The following NDST4 variants were observed in gnomAD, a reference collection of about 807,000 sequenced individuals.
The protein encoded by NDST4 is N-deacetylase and N-sulfotransferase 4.
NDST4 carries 63 observed loss-of-function variants against 100.8 expected under a neutral mutation model. That is an observed-to-expected ratio of 0.62 (90% CI 0.51 to 0.77). The LOEUF is 0.77. NDST4 is among the 30% of genes least tolerant of loss of function. NDST4 has a pLI of 0.00. For synonymous variants in NDST4, 377 were observed against 361.8 expected, an observed-to-expected ratio of 1.04 and a Z score of -0.48; for missense variants, 943 against 1,018.4, an observed-to-expected ratio of 0.93 and a Z score of 1.01.
chr4:114,959,345 C>A (rs1247744286), intron 4 of NDST4, among the ~76,000 whole-genome samples: 1 of 151,314 alleles, frequency 6.6e-6, no homozygotes. Context: ...TGTATTAGCT[C>A]ATTTTCATAC....
intron 2 of NDST4, among the ~76,000 whole-genome samples, chr4:114,987,020 G>A (rs1726929804): frequency 6.6e-6 from 1 of 151,524 alleles, no homozygotes; most frequent in South Asian, 2.1e-4. Context: ...TAAAGGCAAA[G>A]TATTTAAATA....
chr4:115,111,004 G>A (rs1729941759), intron 1 of NDST4, among the ~76,000 whole-genome samples: 1 of 151,840 alleles, frequency 6.6e-6, no homozygotes, highest in South Asian at 2.1e-4. Context: ...TCTAAATCTG[G>A]GAAGGCAGCA....
chr4:115,066,787 T>C (rs766967310), intron 2 of NDST4, among the ~76,000 whole-genome samples: 1 of 151,862 alleles, frequency 6.6e-6, no homozygotes, highest in Non-Finnish European at 1.5e-5. Context: ...ATCTAGGGAG[T>C]TCTATAACAG....
At chr4:114,884,009 C>G (rs539105511) in intron 6 of NDST4, among the ~76,000 whole-genome samples, 1 of 152,206 alleles carries the variant, frequency 6.6e-6, no homozygotes, top group East Asian at 1.9e-4. Flanking sequence ...AATAAAGACT[C>G]ATATGAAATA....
chr4:114,981,114 C>T (rs1468747309), intron 2 of NDST4, among the ~76,000 whole-genome samples: 1 of 151,884 alleles, frequency 6.6e-6, no homozygotes, highest in African/African-American at 2.4e-5. Context: ...CAACTACTTC[C>T]AGGGTGGGAG....
chr4:115,076,771 G>T lies in NDST4; in HGVS notation c.266C>A (p.Ser89Tyr). Reference protein sequence around the residue: ...TVLLFVESQYSQLGQDIIAIL... With the variant: ...TVLLFVESQYYQLGQDIIAIL... ...AGCTATGATATCTTGACCGAGTTGA[G>T]AGTATTGGCTCTCCACGAAGAGAAG... The change falls in exon 2 of 14, where the codon TCT becomes TAT. Residue 89 changes from serine (S) to tyrosine (Y), a missense_variant. Physicochemically the swap from Ser to Tyr is moderately radical, Grantham distance 144. This residue lies in a region of NDST4 where 417 missense variants were observed against 384.2 expected (regional missense o/e 1.09). Coordinates refer to ENST00000264363, the MANE Select transcript of NDST4 (RefSeq NM_022569.3). 6.2e-7 allele frequency: 1 copy of T among 1,613,974 alleles called. No homozygotes were observed. Among genetic ancestry groups the T allele is most frequent in the Non-Finnish European group, 8.5e-7 (1 of 1,179,938 alleles).
At chr4:114,986,450 C>T (rs749050930) in intron 2 of NDST4, among the ~76,000 whole-genome samples, 15 of 152,140 alleles carry the variant, frequency 9.9e-5, no homozygotes, top group Middle Eastern at 3.4e-3. Context: ...GTGTGTAAGA[C>T]GAGCTTCTGC....
intron 6 of NDST4, among the ~76,000 whole-genome samples, chr4:114,889,237 C>A (rs1724542246): frequency 6.6e-6 from 1 of 152,162 alleles, no homozygotes; most frequent in Non-Finnish European, 1.5e-5. Flanking sequence ...CAGGGATATT[C>A]TTTCAGACTG....
intron 2 of NDST4, among the ~76,000 whole-genome samples, chr4:114,987,235 G>A (rs777791127): frequency 2.2e-4 from 33 of 152,066 alleles, no homozygotes; most frequent in Non-Finnish European, 4.3e-4. Context: ...GTCAGAGTGG[G>A]AGACAAGGAG....
In NDST4 at chr4:115,050,985, T is replaced by C. The variant is rs368060062; in HGVS notation, c.978+25074A>G. 1.2e-3 allele frequency among the ~76,000 whole-genome samples: 188 copies of C among 152,166 alleles called. 4 individuals carry two copies. In the South Asian group the frequency reaches 0.035, roughly 28 times the overall value. ...AGCTTCTCAGAGTGACATACTGAAT[T>C]TTATTTAGATTGTATGCATTTTAGT... On this transcript the variant is annotated intron_variant, in intron 2 of 13. Transcript: ENST00000264363.
At chr4:115,054,840 A>G (rs1009214455) in intron 2 of NDST4, among the ~76,000 whole-genome samples, 2 of 152,112 alleles carry the variant, frequency 1.3e-5, no homozygotes, top group African/African-American at 4.8e-5. Flanking sequence ...AGATAGTTTT[A>G]TAACATTAAG....
At chr4:115,067,232 A>G (rs1033468817) in intron 2 of NDST4, among the ~76,000 whole-genome samples, 3 of 152,112 alleles carry the variant, frequency 2.0e-5, no homozygotes, top group African/African-American at 7.2e-5. Context: ...TACTAAATCT[A>G]TACTAGCTGA....
intron 7 of NDST4, among the ~76,000 whole-genome samples, chr4:114,867,952 T>C (rs555666470): frequency 1.3e-5 from 2 of 152,252 alleles, no homozygotes; most frequent in East Asian, 1.9e-4. Context: ...CATTGACAGA[T>C]ATTCATATTG....
intron 6 of NDST4, among the ~76,000 whole-genome samples, chr4:114,879,435 C>G (rs1366484587): frequency 1.3e-5 from 2 of 152,036 alleles, no homozygotes; most frequent in Non-Finnish European, 2.9e-5. Context: ...GAGGTGATGT[C>G]TTGTTTTTCC....
chr4:115,061,769 T>C (rs990396448), intron 2 of NDST4, among the ~76,000 whole-genome samples: 3 of 151,956 alleles, frequency 2.0e-5, no homozygotes, highest in Non-Finnish European at 2.9e-5. Flanking sequence ...TGCACATGTA[T>C]CCCAGAACTT....
intron 1 of NDST4, among the ~76,000 whole-genome samples, chr4:115,106,147 TG>T (rs756217735): frequency 6.6e-5 from 10 of 152,136 alleles, no homozygotes; most frequent in Non-Finnish European, 1.5e-4. Context: ...TGGTTCACCA[TG>T]GGGGAAGAGG....
At chr4:114,893,193 T>C (rs1386298727) in intron 6 of NDST4, among the ~76,000 whole-genome samples, 3 of 152,152 alleles carry the variant, frequency 2.0e-5, no homozygotes, top group African/African-American at 7.2e-5. Flanking sequence ...CAAATAGTGC[T>C]GCAATAAACA....
intron 2 of NDST4, among the ~76,000 whole-genome samples, chr4:115,024,513 T>A (rs1727937255): frequency 6.6e-6 from 1 of 152,184 alleles, no homozygotes; most frequent in Non-Finnish European, 1.5e-5. Context: ...TATTTTATTT[T>A]CAAATGGGAA....
intron 2 of NDST4, among the ~76,000 whole-genome samples, chr4:115,063,140 T>A (rs915189153): frequency 2.6e-5 from 4 of 151,992 alleles, no homozygotes; most frequent in African/African-American, 9.7e-5. Flanking sequence ...AAACTGTTCT[T>A]ATTATTATCT....
Sources: gnomAD v4.1 joint callset for allele counts (sites outside exome capture counted in the v4.1 genomes callset) on GRCh38, gnomAD v4.1.1 for gene constraint, gnomAD v4.1.1 regional missense constraint, MANE v1.5 for transcripts, NCBI Gene and HGNC (gene_info 2026-07-23, HGNC 2026-07-21) for gene names.